Variants in AKT3 observed in about 807,000 individuals in gnomAD.
AKT3 encodes AKT serine/threonine kinase 3.
In AKT3, 15 loss-of-function variants were observed where a neutral mutation model predicts 65.3. The observed-to-expected ratio is 0.23, with a 90% confidence interval of 0.15 to 0.35. AKT3 has a LOEUF of 0.35. Ranked by LOEUF, AKT3 falls within the 10% of genes least tolerant of loss-of-function variation. The pLI is 1.00. For synonymous variants in AKT3, 206 were observed against 183.8 expected, an observed-to-expected ratio of 1.12 and a Z score of -0.98; for missense variants, 243 against 576.5, an observed-to-expected ratio of 0.42 and a Z score of 5.92.
intron 10 of AKT3, among the ~76,000 whole-genome samples, chr1:243,562,959 G>C (rs546036386): frequency 1.3e-5 from 2 of 152,150 alleles, no homozygotes; most frequent in Non-Finnish European, 2.9e-5. Flanking sequence ...CACAGCATTA[G>C]TAACTGGAAC....
At chr1:243,552,525 C>T (rs528123808) in intron 11 of AKT3, among the ~76,000 whole-genome samples, 5 of 151,878 alleles carry the variant, frequency 3.3e-5, no homozygotes, top group Non-Finnish European at 5.9e-5. Context: ...GGTAAATCTG[C>T]ATAAAATTTC....
intron 2 of AKT3, among the ~76,000 whole-genome samples, chr1:243,726,340 G>A (rs1308643418): frequency 6.6e-6 from 1 of 152,140 alleles, no homozygotes; most frequent in Non-Finnish European, 1.5e-5. Context: ...GAAGAGTCAG[G>A]TGTTTTTTAA....
At position 243,503,491 on chromosome 1, in the gene AKT3, C is replaced by T. The variant is rs183400807; in HGVS notation, c.*1758G>A. The stretch of plus-strand genomic sequence containing the variant: ...AAAATACATTTCCATGATCACTCCG[C>T]GGAGTAGGATGGCCTTCTGCTTGCC... On this transcript the variant is annotated 3_prime_UTR_variant, in exon 14 of 14. Transcript: ENST00000673466. 3.4e-5 allele frequency: 8 copies of T among 233,290 alleles called. No homozygotes were observed. The highest frequency in any genetic ancestry group is 3.6e-4 in the South Asian group (2 of 5,522). The allele number at this position is 233,290 out of a possible 1,614,324, so 14.5% of individuals were successfully genotyped here. A position where few individuals can be genotyped will look rare whatever the true frequency, so the allele number is the denominator to read the frequency against.
At chr1:243,670,205 A>G (rs1366077580) in intron 3 of AKT3, among the ~76,000 whole-genome samples, 2 of 152,212 alleles carry the variant, frequency 1.3e-5, no homozygotes, top group East Asian at 3.8e-4. Flanking sequence ...AGGTCTCAGT[A>G]TGAAATACTC....
intron 12 of AKT3, among the ~76,000 whole-genome samples, chr1:243,532,072 T>C (rs1238960250): frequency 6.6e-6 from 1 of 152,206 alleles, no homozygotes; most frequent in Non-Finnish European, 1.5e-5. Flanking sequence ...AGGGGTAGTT[T>C]TATTTCTTCC....
At position 243,590,890 on chromosome 1, in the gene AKT3, G is replaced by T. The variant is rs187978184; in HGVS notation, c.697-17842C>A. On this transcript the variant is annotated intron_variant, in intron 8 of 13. Transcript: ENST00000673466. ...AATTGGATAAATAACTAAATGCACA[G>T]ATCTACAGTTGCCCAGGAGAAAAGG... Among the ~76,000 whole-genome samples the T allele has an allele frequency of 2.8e-3, 428 of 152,274 alleles. 2 individuals carry two copies. The highest frequency in any genetic ancestry group is 5.2e-3 in the Non-Finnish European group (352 of 68,022).
intron 13 of AKT3, among the ~76,000 whole-genome samples, chr1:243,490,920 A>C (rs1380833766): frequency 6.6e-6 from 1 of 152,246 alleles, no homozygotes; most frequent in Admixed American, 6.5e-5. Context: ...GGCCAGCCAA[A>C]GATCAGGACC....
At chr1:243,784,345 A>G (rs1339557251) in intron 2 of AKT3, among the ~76,000 whole-genome samples, 1 of 152,050 alleles carries the variant, frequency 6.6e-6, no homozygotes, top group Non-Finnish European at 1.5e-5. Flanking sequence ...GACAAGATTA[A>G]AAAGGCAGAC....
intron 2 of AKT3, among the ~76,000 whole-genome samples, chr1:243,822,579 T>TA (rs1185756272): frequency 1.3e-5 from 2 of 150,942 alleles, no homozygotes; most frequent in East Asian, 1.9e-4. Context: ...ATAGATTCAA[T>TA]AAAAAATGAT....
At chr1:243,773,106 C>T (rs1219416221) in intron 2 of AKT3, among the ~76,000 whole-genome samples, 3 of 151,222 alleles carry the variant, frequency 2.0e-5, no homozygotes, top group Non-Finnish European at 4.4e-5. Context: ...TTAATGGGTG[C>T]AGCACACCAA....
chr1:243,739,764 C>T (rs1169226467), intron 2 of AKT3, among the ~76,000 whole-genome samples: 1 of 152,234 alleles, frequency 6.6e-6, no homozygotes, highest in Non-Finnish European at 1.5e-5. Flanking sequence ...CTATCTATCT[C>T]CATTTTCCCC....
chr1:243,675,795 G>A (rs548548842), intron 3 of AKT3, among the ~76,000 whole-genome samples: 1 of 152,078 alleles, frequency 6.6e-6, no homozygotes, highest in African/African-American at 2.4e-5. Context: ...GACTTGCCTG[G>A]TTTTACTACC....
intron 8 of AKT3, among the ~76,000 whole-genome samples, chr1:243,574,557 T>G (rs888094075): frequency 2.0e-5 from 3 of 152,126 alleles, no homozygotes; most frequent in Non-Finnish European, 4.4e-5. Context: ...GCATTCTGAT[T>G]ACAGAAATGT....
At chr1:243,541,959 G>A (rs976751825) in intron 12 of AKT3, among the ~76,000 whole-genome samples, 4 of 152,236 alleles carry the variant, frequency 2.6e-5, no homozygotes, top group East Asian at 1.9e-4. Flanking sequence ...TGAAACACAC[G>A]TAAGGATAAA....
chr1:243,768,150 T>C (rs997942369), intron 2 of AKT3, among the ~76,000 whole-genome samples: 2 of 150,496 alleles, frequency 1.3e-5, no homozygotes, highest in Non-Finnish European at 3.0e-5. Flanking sequence ...CTAGGAGATA[T>C]ACATACATAT....
At chr1:243,772,382 G>A (rs553474888) in intron 2 of AKT3, among the ~76,000 whole-genome samples, 10 of 152,278 alleles carry the variant, frequency 6.6e-5, no homozygotes, top group African/African-American at 2.4e-4. Context: ...CAAAGGATAT[G>A]AACAGACACT....
At chr1:243,576,954 T>C (rs1345673473) in intron 8 of AKT3, among the ~76,000 whole-genome samples, 1 of 152,132 alleles carries the variant, frequency 6.6e-6, no homozygotes, top group Non-Finnish European at 1.5e-5. Context: ...GCTGGAGCCA[T>C]CACACTACCT....
At chr1:243,540,408 ACT>A (rs1553399126) in intron 12 of AKT3, among the ~76,000 whole-genome samples, 1 of 152,166 alleles carries the variant, frequency 6.6e-6, no homozygotes, top group Non-Finnish European at 1.5e-5. Context: ...GATTTTAAAA[ACT>A]CTCAGTAACC....
At chr1:243,699,286 C>G (rs1242329725) in intron 2 of AKT3, among the ~76,000 whole-genome samples, 1 of 151,480 alleles carries the variant, frequency 6.6e-6, no homozygotes, top group Non-Finnish European at 1.5e-5. Flanking sequence ...AAAACACAAC[C>G]TGGTTAAAAT....
Sources: allele counts gnomAD v4.1 joint callset (sites outside exome capture counted in the v4.1 genomes callset), GRCh38; gene constraint gnomAD v4.1.1; transcripts MANE v1.5; gene names NCBI Gene and HGNC (gene_info 2026-07-23, HGNC 2026-07-21).